UBAC1: variants seen among roughly 807,000 people sequenced by gnomAD.
The protein encoded by UBAC1 is ubiquitin-associated domain-containing protein 1.
In UBAC1, 27 loss-of-function variants were observed where a neutral mutation model predicts 45.9. The ratio of observed to expected loss-of-function variants is 0.59; its 90% CI spans 0.43 to 0.81. The LOEUF (loss-of-function observed/expected upper bound fraction) is 0.81, where lower values mean the gene tolerates loss of function less well. Among genes scored for constraint, UBAC1 ranks in the 30% least tolerant of loss-of-function variants. The probability of loss-of-function intolerance (pLI) is 0.00; values close to 1 mark genes in which losing one functional copy is unlikely to be tolerated. For synonymous variants in UBAC1, 227 were observed against 215.5 expected (o/e 1.05, Z -0.47); for missense variants, 529 against 539.2 (o/e 0.98, Z 0.19).
intron 8 of UBAC1, 78 bp downstream of exon 8, chr9:135,939,592 TCAC>T: frequency 1.5e-6 from 2 of 1,371,460 alleles, no homozygotes; most frequent in South Asian, 1.3e-5. Flanking sequence ...CAGCCCACAC[TCAC>T]TCACCACAGC....
chr9:135,939,086 C>T (rs955969472), intron 8 of UBAC1, among the ~76,000 whole-genome samples: 3 of 152,014 alleles, frequency 2.0e-5, no homozygotes, highest in African/African-American at 7.3e-5. Flanking sequence ...CCTGTGGTCC[C>T]AGCTACTCAG....
chr9:135,937,280 A>C (rs549548761), intron 9 of UBAC1, among the ~76,000 whole-genome samples: 45 of 152,028 alleles, frequency 3.0e-4, no homozygotes, highest in Admixed American at 1.2e-3. Context: ...GTCTCTACTA[A>C]AATACGAAAA....
At position 135,955,289 on chromosome 9, in the gene UBAC1, C is replaced by T. The variant is rs368286865; in HGVS notation, c.259+6G>A. Reference sequence around the variant, plus strand: ...CTGCCAACCCGCCCGCCCACAGCAGCCTTACCTTGGTCCTGGATGTTCTCT... The same window carrying T: ...CTGCCAACCCGCCCGCCCACAGCAGTCTTACCTTGGTCCTGGATGTTCTCT... On this transcript the variant is annotated splice_donor_region_variant and intron_variant, in intron 2 of 9. Transcript: ENST00000371756. 2.2e-5 allele frequency: 34 copies of T among 1,567,674 alleles called. No homozygotes were observed. The African/African-American group carries it at 4.4e-4, about 20-fold the overall frequency.
chr9:135,954,336 T>C (rs989176926), intron 2 of UBAC1, among the ~76,000 whole-genome samples: 3 of 151,854 alleles, frequency 2.0e-5, no homozygotes, highest in African/African-American at 7.3e-5. Flanking sequence ...TCCCAGCTAC[T>C]TGGGAGACTG....
intron 9 of UBAC1, among the ~76,000 whole-genome samples, chr9:135,937,907 G>A (rs544876936): frequency 6.6e-6 from 1 of 152,234 alleles, no homozygotes; most frequent in Non-Finnish European, 1.5e-5. Flanking sequence ...GTCCTCCCGT[G>A]AGTTCCTAAG....
chr9:135,959,501 A>G (rs191273138), intron 1 of UBAC1, among the ~76,000 whole-genome samples: 7 of 151,310 alleles, frequency 4.6e-5, no homozygotes, highest in Non-Finnish European at 1.0e-4. Flanking sequence ...CAGCCTCCCA[A>G]GTAGCTGGGA....
At position 135,935,664 on chromosome 9, in the gene UBAC1, C is replaced by T. The variant is rs1348164605; in HGVS notation, c.1103-2149G>A. ...AGAAGGAAAACAAATAGATGACACG[C>T]ATAGACAGTATGTAAAAGAAGAAAT... On this transcript the variant is annotated intron_variant, in intron 9 of 9. Transcript: ENST00000371756. Among the ~76,000 whole-genome samples the T allele has an allele frequency of 5.3e-5, 8 of 151,440 alleles. No individual in the cohort carries two copies. In the East Asian group the frequency reaches 1.6e-3, roughly 30 times the overall value.
chr9:135,942,679 A>G (rs565503396), intron 7 of UBAC1, among the ~76,000 whole-genome samples: 1 of 151,522 alleles, frequency 6.6e-6, no homozygotes, highest in Admixed American at 6.6e-5. Context: ...AGAAACTTTT[A>G]CATGCAGAGC....
At chr9:135,946,198 G>C in intron 5 of UBAC1, 71 bp downstream of exon 5, 1 of 1,190,080 alleles carries the variant, frequency 8.4e-7, no homozygotes, top group Non-Finnish European at 1.3e-6. Flanking sequence ...TGGTCAGTGC[G>C]TGGAGCTGCA....
intron 8 of UBAC1, among the ~76,000 whole-genome samples, chr9:135,939,260 T>C (rs1254945079): frequency 6.6e-6 from 1 of 151,602 alleles, no homozygotes; most frequent in African/African-American, 2.4e-5. Flanking sequence ...TATGTACATA[T>C]AAGGCACCCT....
intron 1 of UBAC1, among the ~76,000 whole-genome samples, chr9:135,958,899 A>G (rs1839498753): frequency 6.6e-6 from 1 of 152,346 alleles, no homozygotes; most frequent in African/African-American, 2.4e-5. Context: ...ACCTGTGGAA[A>G]CCGCAGAGTG....
At chr9:135,954,842 G>A (rs1344160313) in intron 2 of UBAC1, among the ~76,000 whole-genome samples, 1 of 152,146 alleles carries the variant, frequency 6.6e-6, no homozygotes, top group Non-Finnish European at 1.5e-5. Context: ...CTTACTTCAA[G>A]GACTTCCACA....
At position 135,961,110 on chromosome 9, in the gene UBAC1, A is replaced by T. The variant is rs1205591485; in HGVS notation, c.53T>A (p.Ile18Asn). 4.4e-6 allele frequency: 7 copies of T among 1,590,894 alleles called. No individual in the cohort carries two copies. Among genetic ancestry groups the T allele is most frequent in the African/African-American group, 4.1e-5 (3 of 72,682 alleles). The change falls in exon 1 of 10, where the codon ATC (isoleucine) becomes AAC (asparagine). Residue 18 changes from isoleucine to asparagine, a missense_variant. Physicochemically the swap from Ile to Asn is moderately radical, Grantham distance 149 (BLOSUM62 -3). Coordinates refer to ENST00000371756, the MANE Select transcript of UBAC1 (RefSeq NM_016172.3). Reference protein sequence around the residue: ...IFAGKVLRLHICASDGAEWLE... With the variant: ...IFAGKVLRLHNCASDGAEWLE... ...CCACTCGGCGCCGTCGGACGCGCAGATGTGCAGCCGCAGCACCTTGCCCGC... is the reference window on the plus strand; with the variant it reads ...CCACTCGGCGCCGTCGGACGCGCAGTTGTGCAGCCGCAGCACCTTGCCCGC...
intron 3 of UBAC1, chr9:135,948,140 G>A: frequency 2.1e-6 from 1 of 474,982 alleles, no homozygotes; most frequent in Non-Finnish European, 3.7e-6. Flanking sequence ...TAGGTGAGGG[G>A]CAGAGCAGGA....
chr9:135,937,315 C>T (rs1290617521), intron 9 of UBAC1, among the ~76,000 whole-genome samples: 2 of 151,952 alleles, frequency 1.3e-5, no homozygotes, highest in Non-Finnish European at 2.9e-5. Context: ...GTAGTGCACG[C>T]CTGTAATCCC....
chr9:135,942,924 A>G (rs1839287086), intron 7 of UBAC1, among the ~76,000 whole-genome samples: 1 of 152,204 alleles, frequency 6.6e-6, no homozygotes, highest in Admixed American at 6.5e-5. Context: ...CATTTGTCTC[A>G]ATGGGATCTA....
chr9:135,944,250 T>C (rs767345723), intron 7 of UBAC1, among the ~76,000 whole-genome samples: 9 of 152,038 alleles, frequency 5.9e-5, no homozygotes, highest in Non-Finnish European at 1.3e-4. Flanking sequence ...GCCCCACTCA[T>C]CACCAGCAGA....
chr9:135,953,594 A>T, intron 3 of UBAC1, 86 bp downstream of exon 3: 1 of 1,159,452 alleles, frequency 8.6e-7, no homozygotes, highest in Non-Finnish European at 1.2e-6. Context: ...CTGGGATTAC[A>T]GGCGCGAGCC....
chr9:135,947,939 A>G (rs925173245), intron 3 of UBAC1, 34 bp from the exon 4 acceptor site: 1 of 1,589,988 alleles, frequency 6.3e-7, no homozygotes, highest in Non-Finnish European at 8.6e-7. Flanking sequence ...GTCTGAGGTG[A>G]ACGTAAGAGC....
Sources: gnomAD v4.1 joint callset for allele counts (sites outside exome capture counted in the v4.1 genomes callset) on GRCh38, gnomAD v4.1.1 for gene constraint, MANE v1.5 for transcripts, NCBI Gene and HGNC (gene_info 2026-07-23, HGNC 2026-07-21) for gene names.